The following REEP1 variants were observed in gnomAD, a reference collection of about 807,000 sequenced individuals.
REEP1 encodes the protein receptor accessory protein 1, also known as receptor expression-enhancing protein 1.
In REEP1, 22 loss-of-function variants were observed where a neutral mutation model predicts 40.3. The ratio of observed to expected loss-of-function variants is 0.55; its 90% CI spans 0.39 to 0.78. REEP1 has a LOEUF of 0.78. Among genes scored for constraint, REEP1 ranks in the 30% least tolerant of loss-of-function variants. The pLI, the probability that REEP1 is intolerant of heterozygous loss-of-function variation, is 0.00. For synonymous variants in REEP1, 116 were observed against 139.2 expected (o/e 0.83, Z 1.17); for missense variants, 280 against 361.1 (o/e 0.78, Z 1.82).
At chr2:86,327,811 C>T (rs1680586561) in intron 1 of REEP1, among the ~76,000 whole-genome samples, 1 of 152,120 alleles carries the variant, frequency 6.6e-6, no homozygotes, top group African/African-American at 2.4e-5. Flanking sequence ...TCATGATCTG[C>T]CCGCCTCGGC....
rs188677737 is a variant in REEP1, at chr2:86,272,858, C to T, written c.106-8817G>A. 1.0e-3 allele frequency among the ~76,000 whole-genome samples: 157 copies of T among 152,294 alleles called. 2 individuals carry two copies. Among genetic ancestry groups the T allele is most frequent in the Admixed American group, 3.9e-4 (6 of 15,304 alleles). ...TTTCTTAAGGCCAGTCATGGTGGCT[C>T]ATGCCAGTAATCCCCGCACTTTGGG... On this transcript the variant is annotated intron_variant, in intron 2 of 8. Coordinates refer to ENST00000538924, the MANE Select transcript of REEP1 (RefSeq NM_001371279.1).
intron 1 of REEP1, among the ~76,000 whole-genome samples, chr2:86,335,722 G>A (rs931288532): frequency 5.3e-5 from 8 of 151,904 alleles, no homozygotes; most frequent in Non-Finnish European, 1.0e-4. Flanking sequence ...GGTGGCAGGC[G>A]CTTGTAATCC....
intron 3 of REEP1, among the ~76,000 whole-genome samples, chr2:86,258,766 T>A (rs1676702000): frequency 6.6e-6 from 1 of 152,164 alleles, no homozygotes; most frequent in Admixed American, 6.5e-5. Flanking sequence ...AGCCCTGACC[T>A]CTGAGATGTA....
intron 1 of REEP1, among the ~76,000 whole-genome samples, chr2:86,329,476 T>G (rs546613047): frequency 6.6e-6 from 1 of 152,230 alleles, no homozygotes; most frequent in East Asian, 1.9e-4. Flanking sequence ...CATAAAAACT[T>G]GGGGTCAGAA....
intron 1 of REEP1, among the ~76,000 whole-genome samples, chr2:86,289,751 G>A (rs1223020534): frequency 2.0e-5 from 3 of 152,012 alleles, no homozygotes; most frequent in Non-Finnish European, 2.9e-5. Context: ...TCTTGTACAT[G>A]TTTTGTCTTA....
intron 1 of REEP1, among the ~76,000 whole-genome samples, chr2:86,326,402 A>G (rs1680503561): frequency 6.6e-6 from 1 of 152,208 alleles, no homozygotes; most frequent in Non-Finnish European, 1.5e-5. Context: ...TAACCAGTAT[A>G]AGGAAAAAGA....
chr2:86,289,486 T>C (rs569528295), intron 1 of REEP1, among the ~76,000 whole-genome samples: 1 of 152,198 alleles, frequency 6.6e-6, no homozygotes, highest in Non-Finnish European at 1.5e-5. Context: ...TCTTTTTTTT[T>C]ATTAGAAATT....
chr2:86,259,280 G>A (rs901845745), intron 3 of REEP1, among the ~76,000 whole-genome samples: 3 of 151,506 alleles, frequency 2.0e-5, no homozygotes, highest in African/African-American at 7.3e-5. Context: ...AAAAACAGTG[G>A]TACTTCTAGG....
At chr2:86,254,614 G>T in intron 4 of REEP1, 80 bp downstream of exon 4, 1 of 1,472,794 alleles carries the variant, frequency 6.8e-7, no homozygotes, top group Non-Finnish European at 9.4e-7. Flanking sequence ...GAAGTCTCCT[G>T]CAATAAGATC....
intron 1 of REEP1, among the ~76,000 whole-genome samples, chr2:86,300,448 T>C (rs1055466143): frequency 3.9e-5 from 6 of 152,096 alleles, no homozygotes; most frequent in African/African-American, 1.4e-4. Flanking sequence ...GCTGGATACT[T>C]GAACTAAAGG....
chr2:86,258,023 G>A (rs1174291307), intron 3 of REEP1, among the ~76,000 whole-genome samples: 1 of 152,164 alleles, frequency 6.6e-6, no homozygotes, highest in African/African-American at 2.4e-5. Flanking sequence ...TACTTCAGCC[G>A]AGCTACAAGG....
At chr2:86,270,354 G>A (rs143009968) in intron 2 of REEP1, among the ~76,000 whole-genome samples, 5,045 of 152,144 alleles carry the variant, frequency 0.033, 109 homozygotes, top group South Asian at 0.053. Context: ...GCGCCACCAC[G>A]CCTGGCTAAT....
At chr2:86,290,793 C>T (rs540006516) in intron 1 of REEP1, among the ~76,000 whole-genome samples, 1 of 152,284 alleles carries the variant, frequency 6.6e-6, no homozygotes, top group Admixed American at 6.5e-5. Context: ...AAAAGAGATC[C>T]TCCGTCTGAG....
At chr2:86,331,779 T>C (rs1680777522) in intron 1 of REEP1, among the ~76,000 whole-genome samples, 1 of 152,116 alleles carries the variant, frequency 6.6e-6, no homozygotes, top group South Asian at 2.1e-4. Flanking sequence ...GGCAGACCTT[T>C]TCTGATCAGG....
intron 2 of REEP1, among the ~76,000 whole-genome samples, chr2:86,280,392 G>A (rs1678009748): frequency 1.3e-5 from 2 of 152,206 alleles, no homozygotes; most frequent in South Asian, 2.1e-4. Flanking sequence ...GCTTCTGTGA[G>A]TTTAGTCAGA....
chr2:86,215,713 AATCT>A lies in REEP1; in HGVS notation c.*1322_*1325del, dbSNP rs1481047469. 8 of 152,646 alleles carry A rather than the reference AATCT, an allele frequency of 5.2e-5. No individual in the cohort carries two copies. Among genetic ancestry groups the A allele is most frequent in the African/African-American group, 1.9e-4 (8 of 41,446 alleles). The allele number at this position is 152,646 out of a possible 1,614,324, so 9.5% of individuals were successfully genotyped here. A position where few individuals can be genotyped will look rare whatever the true frequency, so the allele number is the denominator to read the frequency against. The stretch of plus-strand genomic sequence containing the variant: ...CAGATTCTTTTCAAATAAAATTCTC[AATCT>A]AAGTGGAAAGCCCCCTCAGAGAATG... On this transcript the variant is annotated 3_prime_UTR_variant, in exon 9 of 9. Coordinates refer to ENST00000538924, the MANE Select transcript of REEP1 (RefSeq NM_001371279.1).
intron 1 of REEP1, among the ~76,000 whole-genome samples, chr2:86,325,281 G>A (rs1164524421): frequency 6.6e-6 from 1 of 152,140 alleles, no homozygotes; most frequent in African/African-American, 2.4e-5. Flanking sequence ...AAAGACGTTA[G>A]AACATCAAAG....
intron 1 of REEP1, among the ~76,000 whole-genome samples, chr2:86,289,530 GT>G (rs1201747751): frequency 2.0e-5 from 3 of 151,548 alleles, no homozygotes; most frequent in Admixed American, 6.6e-5. Flanking sequence ...TTGACCCTTT[GT>G]TTTTCTATAT....
chr2:86,267,472 G>A (rs2104324343), intron 2 of REEP1, among the ~76,000 whole-genome samples: 1 of 152,266 alleles, frequency 6.6e-6, no homozygotes, highest in East Asian at 1.9e-4. Flanking sequence ...TCTCAGGGAA[G>A]TTCTTTATAG....
Sources: allele counts gnomAD v4.1 joint callset (sites outside exome capture counted in the v4.1 genomes callset), GRCh38; gene constraint gnomAD v4.1.1; transcripts MANE v1.5; gene names NCBI Gene and HGNC (gene_info 2026-07-23, HGNC 2026-07-21).